MOCOS: variants seen among roughly 807,000 people sequenced by gnomAD.
MOCOS encodes the protein human molybdenum cofactor sulfurase.
Under a neutral mutation model 83.6 loss-of-function variants are expected in MOCOS, and 86 were observed. The observed-to-expected ratio is 1.03, with a 90% CI of 0.86 to 1.23. The LOEUF (loss-of-function observed/expected upper bound fraction) is 1.23, where lower values mean the gene tolerates loss of function less well. MOCOS is among the 50% of genes most tolerant of loss of function. The pLI, the probability that MOCOS is intolerant of heterozygous loss-of-function variation, is 0.00. For synonymous variants in MOCOS, 445 were observed against 434.7 expected (o/e 1.02, Z -0.29); for missense variants, 1,120 against 1,126.9 (o/e 0.99, Z 0.09).
At chr18:36,256,220 C>G (rs991488336) in intron 11 of MOCOS, among the ~76,000 whole-genome samples, 2 of 152,080 alleles carry the variant, frequency 1.3e-5, no homozygotes, top group Non-Finnish European at 2.9e-5. Context: ...TAAACATCTA[C>G]TATCTATTTC....
At chr18:36,229,723 A>T (rs1258276603) in intron 9 of MOCOS, among the ~76,000 whole-genome samples, 1 of 151,734 alleles carries the variant, frequency 6.6e-6, no homozygotes, top group East Asian at 1.9e-4. Context: ...CTCTGACTGA[A>T]TTATTTCCAG....
chr18:36,192,353 G>T (rs634704), intron 1 of MOCOS, among the ~76,000 whole-genome samples: 151,694 of 152,354 alleles, frequency 1, 75,522 homozygotes, highest in East Asian at 1. Flanking sequence ...AAACAATTCC[G>T]AAGGCATCAA....
rs138388704 is a variant in MOCOS, at chr18:36,204,923, G to T, written c.1019-154G>T. On this transcript the variant is annotated intron_variant, in intron 5 of 14. Coordinates refer to ENST00000261326, the MANE Select transcript of MOCOS (RefSeq NM_017947.4). ...TGAGAGGATCACCTGAGCCCAGGAG[G>T]TTGAGGCTGCAGTGAGCTGTGATCA... Among the ~76,000 whole-genome samples, 538 of 150,652 alleles carry T rather than the reference G, an allele frequency of 3.6e-3. 4 individuals are homozygous for T. Among genetic ancestry groups the T allele is most frequent in the African/African-American group, 0.012 (472 of 40,900 alleles).
At chr18:36,195,429 C>A in intron 2 of MOCOS, 83 bp downstream of exon 2, 1 of 1,261,664 alleles carries the variant, frequency 7.9e-7, no homozygotes, top group Non-Finnish European at 1.2e-6. Context: ...GATTAATAGG[C>A]CAGGAATATT....
chr18:36,198,656 G>A, intron 2 of MOCOS, 34 bp from the exon 3 acceptor site: 1 of 1,610,186 alleles, frequency 6.2e-7, no homozygotes, highest in South Asian at 1.1e-5. Flanking sequence ...ACCCTAAGTA[G>A]TGACTTGGTG....
At chr18:36,261,330 C>T (rs2091662697) in intron 13 of MOCOS, among the ~76,000 whole-genome samples, 1 of 151,904 alleles carries the variant, frequency 6.6e-6, no homozygotes, top group African/African-American at 2.4e-5. Context: ...TAGGAATGCT[C>T]AACTGGTTAA....
chr18:36,210,170 T>C (rs1288605199), intron 6 of MOCOS, among the ~76,000 whole-genome samples: 1 of 152,106 alleles, frequency 6.6e-6, no homozygotes, highest in African/African-American at 2.4e-5. Flanking sequence ...AGTTAGGGAG[T>C]CAATCCACAT....
chr18:36,212,964 G>A (rs1294275064), intron 6 of MOCOS, among the ~76,000 whole-genome samples: 1 of 152,208 alleles, frequency 6.6e-6, no homozygotes, highest in Non-Finnish European at 1.5e-5. Flanking sequence ...AGAGCCTTCA[G>A]AGGGCAGGAA....
chr18:36,198,658 G>C lies in MOCOS; in HGVS notation c.233-32G>C, dbSNP rs554280579. On this transcript the variant is annotated intron_variant, in intron 2 of 14. Coordinates refer to ENST00000261326, the MANE Select transcript of MOCOS (RefSeq NM_017947.4). ...CACAAAAGAAGCGACCCTAAGTAGT[G>C]ACTTGGTGGCCTTGTCTTTGTAACC... 9 of 1,611,556 alleles carry C rather than the reference G, an allele frequency of 5.6e-6. No individual in the cohort carries two copies. In the South Asian group the frequency reaches 7.7e-5, roughly 14 times the overall value.
At chr18:36,239,666 A>G (rs1278155366) in intron 9 of MOCOS, among the ~76,000 whole-genome samples, 1 of 146,578 alleles carries the variant, frequency 6.8e-6, no homozygotes, top group Non-Finnish European at 1.5e-5. Flanking sequence ...TATTTCCTGA[A>G]TCTGAATGTT....
chr18:36,191,042 A>AAAAG (rs2091363983), intron 1 of MOCOS, among the ~76,000 whole-genome samples: 13 of 149,476 alleles, frequency 8.7e-5, no homozygotes, highest in East Asian at 2.0e-4. Flanking sequence ...GAAAAAGAAA[A>AAAAG]AAAAGTGTGT....
intron 9 of MOCOS, 28 bp downstream of exon 9, chr18:36,220,245 G>T (rs773324094): frequency 3.1e-6 from 5 of 1,613,428 alleles, no homozygotes; most frequent in Non-Finnish European, 4.2e-6. Context: ...TTTTCACAGA[G>T]CAGCTCCCAA....
chr18:36,201,598 G>A (rs1459895505), intron 4 of MOCOS, among the ~76,000 whole-genome samples: 5 of 133,578 alleles, frequency 3.7e-5, no homozygotes, highest in Non-Finnish European at 6.2e-5. Context: ...GGAGGCAGAC[G>A]TTGCAATGAG....
intron 9 of MOCOS, among the ~76,000 whole-genome samples, chr18:36,240,737 C>A (rs550218921): frequency 6.6e-6 from 1 of 152,216 alleles, no homozygotes; most frequent in African/African-American, 2.4e-5. Flanking sequence ...CCCAGCCTCG[C>A]TGCCGCCTTG....
At chr18:36,240,505 G>C (rs1325304000) in intron 9 of MOCOS, among the ~76,000 whole-genome samples, 2 of 150,300 alleles carry the variant, frequency 1.3e-5, no homozygotes, top group Non-Finnish European at 3.0e-5. Context: ...CAGATCTCCA[G>C]CTGCGTGCTG....
intron 1 of MOCOS, among the ~76,000 whole-genome samples, chr18:36,193,203 C>T (rs890499841): frequency 8.7e-5 from 13 of 149,496 alleles, no homozygotes; most frequent in African/African-American, 2.7e-4. Flanking sequence ...CCCAGCTACT[C>T]GGGAGGCTGA....
At chr18:36,265,503 G>A (rs8092436) in intron 13 of MOCOS, among the ~76,000 whole-genome samples, 35,061 of 152,118 alleles carry the variant, frequency 0.23, 4,234 homozygotes, top group Admixed American at 0.25. Context: ...TTGCCCGTGA[G>A]TGAGCTGAGG....
At chr18:36,234,533 G>A (rs971517310) in intron 9 of MOCOS, among the ~76,000 whole-genome samples, 8 of 152,094 alleles carry the variant, frequency 5.3e-5, no homozygotes, top group East Asian at 1.9e-4. Context: ...GTTTCCATAC[G>A]GATTTTAGGA....
intron 6 of MOCOS, among the ~76,000 whole-genome samples, chr18:36,212,388 A>AT (rs2091458563): frequency 1.4e-5 from 2 of 142,732 alleles, no homozygotes; most frequent in African/African-American, 5.3e-5. Flanking sequence ...TGGGAGCTGG[A>AT]CGGGGGTCGG....
Sources: gnomAD v4.1 joint callset for allele counts (sites outside exome capture counted in the v4.1 genomes callset) on GRCh38, gnomAD v4.1.1 for gene constraint, MANE v1.5 for transcripts, NCBI Gene and HGNC (gene_info 2026-07-23, HGNC 2026-07-21) for gene names.